Variants in CRYBB1 observed in about 807,000 individuals in gnomAD.
CRYBB1 encodes crystallin beta B1, also known as beta-crystallin B1.
CRYBB1 carries 16 observed loss-of-function variants against 29.5 expected under a neutral mutation model. The observed-to-expected ratio is 0.54, with a 90% CI of 0.37 to 0.82. CRYBB1 has a LOEUF of 0.82. CRYBB1 is among the 40% of genes least tolerant of loss of function. The pLI is 0.00. For synonymous variants in CRYBB1, 127 were observed against 136.7 expected (o/e 0.93, Z 0.49); for missense variants, 300 against 350.5 (o/e 0.86, Z 1.15).
intron 4 of CRYBB1, among the ~76,000 whole-genome samples, chr22:26,604,791 G>T (rs369330717): frequency 6.6e-6 from 1 of 152,222 alleles, no homozygotes; most frequent in East Asian, 1.9e-4. Context: ...GCAATTACCA[G>T]CCAGTGGTAA....
At chr22:26,612,276 G>T in intron 2 of CRYBB1, 86 bp from the exon 3 acceptor site, 1 of 856,528 alleles carries the variant, frequency 1.2e-6, no homozygotes, top group Non-Finnish European at 2.0e-6. Context: ...AAAGCCAGCA[G>T]TGCAGGAGTC....
At chr22:26,609,033 A>G (rs2145965462) in intron 3 of CRYBB1, among the ~76,000 whole-genome samples, 1 of 152,264 alleles carries the variant, frequency 6.6e-6, no homozygotes, top group South Asian at 2.1e-4. Flanking sequence ...AGATAAGACA[A>G]TCCCCATTCC....
chr22:26,612,256 T>C, intron 2 of CRYBB1, 66 bp from the exon 3 acceptor site: 2 of 1,080,300 alleles, frequency 1.9e-6, no homozygotes, highest in Non-Finnish European at 2.9e-6. Context: ...ATTAAGTATC[T>C]ACATAAATAA....
chr22:26,615,845 C>T (rs1229787813), intron 2 of CRYBB1, among the ~76,000 whole-genome samples: 3 of 152,100 alleles, frequency 2.0e-5, no homozygotes, highest in Admixed American at 2.0e-4. Flanking sequence ...GAACCCCTGG[C>T]TATTTTATGG....
At chr22:26,606,095 G>A (rs1029008496) in intron 4 of CRYBB1, among the ~76,000 whole-genome samples, 3 of 152,286 alleles carry the variant, frequency 2.0e-5, no homozygotes, top group African/African-American at 4.8e-5. Context: ...TTCTTCCAGC[G>A]TGGGCCAGGG....
chr22:26,605,540 G>A (rs376697204), intron 4 of CRYBB1, among the ~76,000 whole-genome samples: 21 of 151,908 alleles, frequency 1.4e-4, no homozygotes, highest in African/African-American at 1.9e-4. Context: ...TGGGCGTGGC[G>A]GTGCACACCT....
rs144489412 is a variant in CRYBB1 at position 26,599,423 on chromosome 22, G to C, written c.*67C>G. ...GGCTTTAGGGAATTTTATTTGCCTGGGAAAAATGGGGGAAATAATTGAACA... is the reference window on the plus strand; with the variant it reads ...GGCTTTAGGGAATTTTATTTGCCTGCGAAAAATGGGGGAAATAATTGAACA... On this transcript the variant is annotated 3_prime_UTR_variant, in exon 6 of 6. Transcript: ENST00000647684. 52 of 1,521,544 alleles carry C rather than the reference G, an allele frequency of 3.4e-5. 1 individual carries two copies. The East Asian group carries it at 8.6e-4, about 25-fold the overall frequency. The allele number at this position is 1,521,544 out of a possible 1,614,324, so 94.3% of individuals were successfully genotyped here. A position where few individuals can be genotyped will look rare whatever the true frequency, so the allele number is the denominator to read the frequency against.
chr22:26,608,067 G>A, intron 3 of CRYBB1, 46 bp from the exon 4 acceptor site: 1 of 1,613,662 alleles, frequency 6.2e-7, no homozygotes. Context: ...CATATGGTTA[G>A]TAGAAGCCCC....
At chr22:26,612,272 A>G in intron 2 of CRYBB1, 82 bp from the exon 3 acceptor site, 1 of 896,014 alleles carries the variant, frequency 1.1e-6, no homozygotes, top group South Asian at 1.3e-5. Flanking sequence ...AATAAAAGCC[A>G]GCAGTGCAGG....
At chr22:26,602,611 T>C (rs910932693) in intron 4 of CRYBB1, among the ~76,000 whole-genome samples, 18 of 151,846 alleles carry the variant, frequency 1.2e-4, no homozygotes, top group Non-Finnish European at 1.5e-5. Flanking sequence ...AAAGTATTTA[T>C]TATTTTTAAA....
intron 4 of CRYBB1, among the ~76,000 whole-genome samples, chr22:26,606,969 A>G (rs999896459): frequency 2.8e-5 from 4 of 144,508 alleles, no homozygotes; most frequent in Admixed American, 6.9e-5. Context: ...AATTCAGTAT[A>G]TTGTCTTATT....
intron 5 of CRYBB1, among the ~76,000 whole-genome samples, chr22:26,600,535 G>T (rs549517051): frequency 6.6e-6 from 1 of 152,346 alleles, no homozygotes; most frequent in Admixed American, 6.5e-5. Context: ...TGAGAATCTA[G>T]GTGGATAAGG....
At chr22:26,617,182 G>A (rs1182359145) in intron 1 of CRYBB1, among the ~76,000 whole-genome samples, 1 of 152,190 alleles carries the variant, frequency 6.6e-6, no homozygotes, top group East Asian at 1.9e-4. Context: ...GGGCTGGGTA[G>A]GCTTTGGGTG....
chr22:26,616,520 G>A (rs1413494068), intron 1 of CRYBB1, among the ~76,000 whole-genome samples, 182 bp from the exon 2 acceptor site: 1 of 152,138 alleles, frequency 6.6e-6, no homozygotes, highest in Non-Finnish European at 1.5e-5. Flanking sequence ...CCGTCTGGGG[G>A]CCACTCATCC....
intron 4 of CRYBB1, among the ~76,000 whole-genome samples, chr22:26,606,770 TA>T (rs1164862417): frequency 8.5e-5 from 13 of 152,336 alleles, no homozygotes; most frequent in African/African-American, 2.4e-4. Flanking sequence ...AAAATTCTTA[TA>T]AATGTTCCCA....
intron 1 of CRYBB1, among the ~76,000 whole-genome samples, chr22:26,616,888 A>G (rs542116605): frequency 6.6e-6 from 1 of 152,314 alleles, no homozygotes; most frequent in East Asian, 1.9e-4. Flanking sequence ...ATTTCAACTC[A>G]AGGAAATGGA....
chr22:26,614,541 G>A (rs1321019549), intron 2 of CRYBB1, among the ~76,000 whole-genome samples: 1 of 152,186 alleles, frequency 6.6e-6, no homozygotes, highest in Non-Finnish European at 1.5e-5. Flanking sequence ...TGCTTAGCAG[G>A]AAAGAGATGG....
In CRYBB1 at chr22:26,612,077, C is replaced by T. The variant is rs760235124; in HGVS notation, c.294G>A (p.Ala98=). The T allele has an allele frequency of 3.7e-5, 60 of 1,611,372 alleles. 1 individual carries two copies. In the East Asian group the frequency reaches 8.7e-4, roughly 23 times the overall value. The change falls in exon 3 of 6, where the codon GCG becomes GCA. Residue 98 remains alanine, a synonymous_variant. Coordinates refer to ENST00000647684, the MANE Select transcript of CRYBB1 (RefSeq NM_001887.4). ...CTCCGCCGCCCAGTACTCACGGTCC[C>T]GCGGAGACAATGATGCTGCGCACAC... ...FDRVRSIIVS[A]GPWVAFEQSN...
intron 2 of CRYBB1, among the ~76,000 whole-genome samples, chr22:26,613,925 A>G (rs1019829095): frequency 2.0e-5 from 3 of 152,224 alleles, no homozygotes; most frequent in Non-Finnish European, 4.4e-5. Context: ...ACCTGGGGTT[A>G]GGTCTCTAAA....
Sources: gnomAD v4.1 joint callset for allele counts (sites outside exome capture counted in the v4.1 genomes callset) on GRCh38, gnomAD v4.1.1 for gene constraint, MANE v1.5 for transcripts, NCBI Gene and HGNC (gene_info 2026-07-23, HGNC 2026-07-21) for gene names.